The following C1GALT1 variants were observed in gnomAD, a reference collection of about 807,000 sequenced individuals.
C1GALT1 encodes core 1 synthase, glycoprotein-N-acetylgalactosamine 3-beta-galactosyltransferase 1.
C1GALT1 carries 11 observed loss-of-function variants against 31.0 expected under a neutral mutation model. The ratio of observed to expected loss-of-function variants is 0.36; its 90% CI spans 0.22 to 0.59. The LOEUF (loss-of-function observed/expected upper bound fraction) is 0.59. C1GALT1 is among the 20% of genes least tolerant of loss of function. The probability of loss-of-function intolerance (pLI) is 0.79; values close to 1 mark genes in which losing one functional copy is unlikely to be tolerated. For synonymous variants in C1GALT1, 175 were observed against 143.6 expected, an observed-to-expected ratio of 1.22 and a Z score of -1.56; for missense variants, 424 against 425.2, an observed-to-expected ratio of 1.00 and a Z score of 0.03.
Position 7,245,818 on chromosome 7 carries a change from T to TG in C1GALT1, c.*2092dup, listed in dbSNP as rs1444797409. On this transcript the variant is annotated 3_prime_UTR_variant, in exon 4 of 4. Coordinates refer to ENST00000436587, the MANE Select transcript of C1GALT1 (RefSeq NM_020156.5). ...GAATCCTGGGCTCTAGAGTCAGACT[T>TG]GCTTGGGTTTAAATTCTTGCTCTAA... The TG allele has an allele frequency of 6.6e-6, 1 of 152,198 alleles. No homozygotes were observed. The highest frequency in any genetic ancestry group is 1.5e-5 in the Non-Finnish European group (1 of 68,034). The allele number at this position is 152,198 out of a possible 1,614,324, so 9.4% of individuals were successfully genotyped here. A position where few individuals can be genotyped will look rare whatever the true frequency, so the allele number is the denominator to read the frequency against.
intron 2 of C1GALT1, among the ~76,000 whole-genome samples, chr7:7,159,568 T>G (rs1780312026): frequency 6.6e-6 from 1 of 152,112 alleles, no homozygotes; most frequent in African/African-American, 2.4e-5. Context: ...AATAATCTCT[T>G]CAAGGCAAAA....
rs867576111 is a variant in C1GALT1 at position 7,243,817 on chromosome 7, G to A, written c.*90G>A. 3 of 952,664 alleles carry A rather than the reference G, an allele frequency of 3.1e-6. No homozygotes were observed. The East Asian group carries it at 7.5e-5, about 24-fold the overall frequency. The allele number at this position is 952,664 out of a possible 1,614,324, so 59.0% of individuals were successfully genotyped here. On this transcript the variant is annotated 3_prime_UTR_variant, in exon 4 of 4. Coordinates refer to ENST00000436587, the MANE Select transcript of C1GALT1 (RefSeq NM_020156.5). The stretch of plus-strand genomic sequence containing the variant: ...TCTGACATAGAACACTGGAATCCCA[G>A]TGAGGAATTCTAAGTGAACATTCCT...
intron 1 of C1GALT1, among the ~76,000 whole-genome samples, chr7:7,221,336 T>G (rs964104911): frequency 1.2e-4 from 18 of 152,218 alleles, no homozygotes. Context: ...TGTCTTCTGA[T>G]TTTTAAAAAC....
chr7:7,232,936 A>G (rs1424018048), intron 1 of C1GALT1, among the ~76,000 whole-genome samples: 1 of 152,232 alleles, frequency 6.6e-6, no homozygotes, highest in African/African-American at 2.4e-5. Context: ...TGAGAATGAA[A>G]AAGGACATTG....
In C1GALT1 at chr7:7,238,859, A is replaced by T; in HGVS notation, c.825A>T (p.Leu275Phe). The T allele has an allele frequency of 6.2e-7, 1 of 1,613,948 alleles. No homozygotes were observed. Among genetic ancestry groups the T allele is most frequent in the Non-Finnish European group, 8.5e-7 (1 of 1,179,878 alleles). ...TFHPFVPEHH[L>F]IKGYLPRTFW... is the part of the protein sequence containing the mutation. ...ATCCCTTTGTGCCAGAACACCATTT[A>T]ATTAAAGGTTATCTACCTAGAACGT... is the stretch of plus-strand genomic sequence containing the variant. Residue 275 changes from leucine (L) to phenylalanine (F), a missense_variant, in exon 3 of 4, where the codon TTA becomes TTT. By Grantham distance (22) the Leu-to-Phe change is conservative. Transcript: ENST00000436587. The surrounding 1 kb of genome is among the most constrained non-coding windows in gnomAD (Gnocchi z 5.2).
intron 2 of C1GALT1, among the ~76,000 whole-genome samples, chr7:7,175,210 T>A (rs1411526114): frequency 6.6e-6 from 1 of 152,214 alleles, no homozygotes; most frequent in Non-Finnish European, 1.5e-5. Context: ...GTATTCCTTG[T>A]CAATATGGTC....
upstream of C1GALT1, among the ~76,000 whole-genome samples, chr7:7,182,035 C>A (rs1409048468): frequency 6.6e-6 from 1 of 152,194 alleles, no homozygotes; most frequent in Non-Finnish European, 1.5e-5. Flanking sequence ...GTATCATTAT[C>A]TCGGTTCTCA....
intron 1 of C1GALT1, among the ~76,000 whole-genome samples, chr7:7,192,389 ATG>A (rs1781112779): frequency 6.6e-6 from 1 of 151,970 alleles, no homozygotes. Flanking sequence ...ACAACTTACA[ATG>A]TTTGGTTTTC....
intron 2 of C1GALT1, among the ~76,000 whole-genome samples, chr7:7,177,220 T>C (rs1780513631): frequency 6.6e-6 from 1 of 152,204 alleles, no homozygotes; most frequent in East Asian, 1.9e-4. Flanking sequence ...GGCTCTGTCT[T>C]ACTCATTCTA....
intron 1 of C1GALT1, among the ~76,000 whole-genome samples, chr7:7,189,242 C>A (rs1026773743): frequency 2.6e-5 from 4 of 151,986 alleles, no homozygotes; most frequent in Admixed American, 2.6e-4. Context: ...TTATGGCTGT[C>A]GAGCATCTTG....
intron 3 of C1GALT1, among the ~76,000 whole-genome samples, chr7:7,242,606 A>T (rs1375529963): frequency 6.6e-6 from 1 of 152,066 alleles, no homozygotes; most frequent in Non-Finnish European, 1.5e-5. Context: ...AGTCACCTGG[A>T]TGACACCAAC....
At chr7:7,165,862 T>G (rs905021616) in intron 2 of C1GALT1, among the ~76,000 whole-genome samples, 1 of 152,192 alleles carries the variant, frequency 6.6e-6, no homozygotes, top group African/African-American at 2.4e-5. Flanking sequence ...AAAACTCATT[T>G]CATGCACAAA....
At chr7:7,236,197 C>G (rs937810164) in intron 2 of C1GALT1, among the ~76,000 whole-genome samples, 4 of 152,144 alleles carry the variant, frequency 2.6e-5, no homozygotes, top group Non-Finnish European at 5.9e-5. Flanking sequence ...CCTGAATGGA[C>G]TGAATTCCTC....
chr7:7,199,121 G>A (rs1354080564), intron 1 of C1GALT1, among the ~76,000 whole-genome samples: 5 of 152,084 alleles, frequency 3.3e-5, no homozygotes, highest in Non-Finnish European at 5.9e-5. Flanking sequence ...TCTTTTAATT[G>A]TGATGTCAGG....
At chr7:7,218,347 AT>A (rs1356775628) in intron 1 of C1GALT1, among the ~76,000 whole-genome samples, 3 of 152,218 alleles carry the variant, frequency 2.0e-5, no homozygotes, top group Non-Finnish European at 4.4e-5. Flanking sequence ...AAGCAGTTGG[AT>A]TTAATTTTGT....
At chr7:7,206,369 C>T (rs954091608) in intron 1 of C1GALT1, among the ~76,000 whole-genome samples, 3 of 151,996 alleles carry the variant, frequency 2.0e-5, no homozygotes, top group East Asian at 1.9e-4. Flanking sequence ...CTCTACAGAG[C>T]AGGTCTTTTG....
chr7:7,180,548 T>C (rs1780558848), upstream of C1GALT1, among the ~76,000 whole-genome samples: 2 of 152,258 alleles, frequency 1.3e-5, no homozygotes, highest in South Asian at 4.1e-4. Flanking sequence ...ATCCAATTTA[T>C]GAAATATTGT....
intron 1 of C1GALT1, among the ~76,000 whole-genome samples, chr7:7,206,828 T>C (rs984312492): frequency 6.6e-6 from 1 of 151,962 alleles, no homozygotes; most frequent in Non-Finnish European, 1.5e-5. Flanking sequence ...TGATGAGAAA[T>C]CTGATAATTT....
At chr7:7,203,992 C>T (rs565283858) in intron 1 of C1GALT1, among the ~76,000 whole-genome samples, 1 of 152,086 alleles carries the variant, frequency 6.6e-6, no homozygotes, top group Admixed American at 6.5e-5. Flanking sequence ...TTGGTTTCTA[C>T]TATCCTTTGT....
Sources: gnomAD v4.1 joint callset for allele counts (sites outside exome capture counted in the v4.1 genomes callset) on GRCh38, gnomAD v4.1.1 for gene constraint, Gnocchi (gnomAD v3.1) non-coding constraint, MANE v1.5 for transcripts, NCBI Gene and HGNC (gene_info 2026-07-23, HGNC 2026-07-21) for gene names.